The following PPP1R13L variants were observed in gnomAD, a reference collection of about 807,000 sequenced individuals.
PPP1R13L encodes protein phosphatase 1 regulatory subunit 13 like, also known as relA-associated inhibitor.
Under a neutral mutation model 80.9 loss-of-function variants are expected in PPP1R13L, and 50 were observed. That is an observed-to-expected ratio of 0.62 (90% CI 0.49 to 0.78). The LOEUF is 0.78. Ranked by LOEUF, PPP1R13L falls within the 30% of genes least tolerant of loss-of-function variation. The pLI, the probability that PPP1R13L is intolerant of heterozygous loss-of-function variation, is 0.00. For synonymous variants in PPP1R13L, 602 were observed against 534.3 expected (o/e 1.13, Z -1.75); for missense variants, 1,200 against 1,205.9 (o/e 1.00, Z 0.07).
rs565469083 is a variant in PPP1R13L at position 45,396,055 on chromosome 19, C to A, written c.903+113G>T. 6.7e-5 allele frequency: 89 copies of A among 1,337,214 alleles called. No individual in the cohort carries two copies. The highest frequency in any genetic ancestry group is 8.7e-5 in the Admixed American group (4 of 46,156). 82.8% of individuals were successfully genotyped at this position (1,337,214 alleles called of 1,614,324 possible). A position where few individuals can be genotyped will look rare whatever the true frequency, so the allele number is the denominator to read the frequency against. On this transcript the variant is annotated intron_variant, in intron 6 of 12. Transcript: ENST00000360957. The surrounding 1 kb of genome is among the most constrained non-coding windows in gnomAD (Gnocchi z 5.3). The stretch of plus-strand genomic sequence containing the variant: ...GCACAGTGAAGGGAGAGCGTGGGAA[C>A]GGGCGCCGAGACCCAGATCGCAGCC...
intron 12 of PPP1R13L, among the ~76,000 whole-genome samples, 184 bp downstream of exon 12, chr19:45,382,343 C>G (rs994405740): frequency 1.3e-5 from 2 of 152,214 alleles, no homozygotes; most frequent in Admixed American, 1.3e-4. Context: ...ACCCTTACCC[C>G]CGACATTACT....
At position 45,385,954 on chromosome 19, in the gene PPP1R13L, T is replaced by C; in HGVS notation, c.1951A>G (p.Asn651Asp). 1 of 1,610,484 alleles carries C rather than the reference T, an allele frequency of 6.2e-7. No homozygotes were observed. The highest frequency in any genetic ancestry group is 8.5e-7 in the Non-Finnish European group (1 of 1,178,890). ...TCCTCGTTGGGCTGGCTCGGGTCGT[T>C]CATCTGAGTGCACCGGGGGAGGGGG... ...EVVQQAVKEMNDPSQPNEEGI... is the reference protein window; with the variant it reads ...EVVQQAVKEMDDPSQPNEEGI... Residue 651 changes from asparagine to aspartate, a missense_variant, in exon 10 of 13, where the codon AAC becomes GAC. Physicochemically the swap from Asn to Asp is conservative, Grantham distance 23. Transcript: ENST00000360957.
At position 45,405,051 on chromosome 19, in the gene PPP1R13L, T is replaced by C. The variant is rs146829216; in HGVS notation, c.-74A>G. 5.2e-4 allele frequency: 517 copies of C among 985,846 alleles called. 2 individuals are homozygous for C. In the African/African-American group the frequency reaches 8.5e-3, roughly 16 times the overall value. The allele number at this position is 985,846 out of a possible 1,614,324, so 61.1% of individuals were successfully genotyped here. On this transcript the variant is annotated 5_prime_UTR_variant, in exon 1 of 13. Transcript: ENST00000360957. ...GGCTTCCTCCAGCTCGGGCTCCGGC[T>C]TGGGGAGCGGAGAACGGGGCGGGGC...
intron 11 of PPP1R13L, 29 bp from the exon 12 acceptor site, chr19:45,382,755 G>A: frequency 6.2e-7 from 1 of 1,612,112 alleles, no homozygotes; most frequent in South Asian, 1.1e-5. Flanking sequence ...GGGAAGGTGA[G>A]AGCCTGGCCC....
chr19:45,396,732 G>A lies in PPP1R13L; in HGVS notation c.525C>T (p.Phe175=), dbSNP rs1460008954. Residue 175 remains phenylalanine, a synonymous_variant, in exon 4 of 13, where the codon TTC becomes TTT. Transcript: ENST00000360957. This position sits in a 1 kb window ranked among gnomAD's most constrained non-coding sequence, Gnocchi z 5.3. ...GGGAGCCTGCGCGGCCCAGGAAGTC[G>A]AAAGGCGTGGGGGGACCCTGCTGGC... ...PLRQQGPPTP[F]DFLGRAGSPR... The A allele has an allele frequency of 7.2e-7, 1 of 1,385,394 alleles. No homozygotes were observed. Among genetic ancestry groups the A allele is most frequent in the East Asian group, 2.8e-5 (1 of 35,296 alleles). The allele number at this position is 1,385,394 out of a possible 1,614,324, so 85.8% of individuals were successfully genotyped here.
chr19:45,400,797 G>T, intron 1 of PPP1R13L, among the ~76,000 whole-genome samples: 1 of 31,622 alleles, frequency 3.2e-5, no homozygotes, highest in Admixed American at 4.5e-4. Context: ...TTTTTTTTGA[G>T]ACGGAGTCTT....
rs369516804 is a variant in PPP1R13L, at chr19:45,397,929, T to C, written c.198+76A>G. ...CCTGCATAACTATATGGGGCAATTT[T>C]GCCTGAAATCCAGGCCTCTGGTCTG... On this transcript the variant is annotated intron_variant, in intron 3 of 12. Transcript: ENST00000360957. 183 of 1,517,976 alleles carry C rather than the reference T, an allele frequency of 1.2e-4. 1 individual carries two copies. In the East Asian group the frequency reaches 3.4e-3, roughly 28 times the overall value. The allele number at this position is 1,517,976 out of a possible 1,614,324, so 94.0% of individuals were successfully genotyped here.
At chr19:45,394,486 T>G (rs971702419) in intron 7 of PPP1R13L, among the ~76,000 whole-genome samples, 3 of 151,604 alleles carry the variant, frequency 2.0e-5, no homozygotes, top group African/African-American at 7.3e-5. Context: ...CAGATCCTAT[T>G]TATTTATTTA....
At chr19:45,403,251 TATA>T (rs1296776394) in intron 1 of PPP1R13L, among the ~76,000 whole-genome samples, 1 of 152,184 alleles carries the variant, frequency 6.6e-6, no homozygotes, top group Non-Finnish European at 1.5e-5. Flanking sequence ...GGCTGTTCAT[TATA>T]ATAACACAGG....
chr19:45,400,405 A>G (rs1444858375), intron 1 of PPP1R13L, among the ~76,000 whole-genome samples: 2 of 151,548 alleles, frequency 1.3e-5, no homozygotes, highest in East Asian at 3.9e-4. Context: ...TGCATCGACC[A>G]CTTAGCTCTG....
intron 1 of PPP1R13L, 88 bp downstream of exon 1, chr19:45,404,911 C>G: frequency 1.2e-6 from 1 of 832,190 alleles, no homozygotes; most frequent in Non-Finnish European, 1.4e-6. Flanking sequence ...GCCCTGGGAC[C>G]TGGCGTCCGA....
At position 45,386,145 on chromosome 19, in the gene PPP1R13L, C is replaced by T; in HGVS notation, c.1851G>A (p.Pro617=). ...MRSVLRKAGS[P]RKARRARLNP... ...TGAGGCGCGCGCGGCGGGCCTTGCG[C>T]GGGGAGCCCGCCTTCCGCAGCACAG... Residue 617 remains proline (P), a synonymous_variant, in exon 9 of 13, where the codon CCG becomes CCA. Transcript: ENST00000360957. 5 of 1,539,822 alleles carry T rather than the reference C, an allele frequency of 3.2e-6. No individual in the cohort carries two copies. Among genetic ancestry groups the T allele is most frequent in the East Asian group, 2.3e-5 (1 of 43,602 alleles).
At chr19:45,386,940 G>A (rs1264044103) in intron 8 of PPP1R13L, among the ~76,000 whole-genome samples, 1 of 150,978 alleles carries the variant, frequency 6.6e-6, no homozygotes, top group Admixed American at 6.6e-5. Flanking sequence ...CCAGCCTCAT[G>A]GGCTTTCTTA....
At chr19:45,390,648 G>A (rs1972953069) in intron 8 of PPP1R13L, among the ~76,000 whole-genome samples, 1 of 152,140 alleles carries the variant, frequency 6.6e-6, no homozygotes, top group Non-Finnish European at 1.5e-5. Flanking sequence ...GATGCTCCCG[G>A]CCGAATAAAA....
At chr19:45,404,626 G>T (rs1973294003) in intron 1 of PPP1R13L, among the ~76,000 whole-genome samples, 1 of 152,128 alleles carries the variant, frequency 6.6e-6, no homozygotes, top group African/African-American at 2.4e-5. Flanking sequence ...TGGCAGGGTG[G>T]TCACCCATTC....
intron 8 of PPP1R13L, among the ~76,000 whole-genome samples, chr19:45,390,334 G>T (rs1462065275): frequency 2.6e-5 from 4 of 152,026 alleles, no homozygotes; most frequent in Admixed American, 2.6e-4. Context: ...CAAAACGCTG[G>T]AAAAAAACAG....
At chr19:45,400,203 C>G (rs184600371) in intron 1 of PPP1R13L, among the ~76,000 whole-genome samples, 1 of 151,946 alleles carries the variant, frequency 6.6e-6, no homozygotes, top group African/African-American at 2.4e-5. Flanking sequence ...TCCCTAGGGT[C>G]CCCATTCAGT....
At chr19:45,380,299 G>T in intron 12 of PPP1R13L, 71 bp from the exon 13 acceptor site, 1 of 1,568,846 alleles carries the variant, frequency 6.4e-7, no homozygotes, top group Non-Finnish European at 8.8e-7. Flanking sequence ...TCCGCTGCCT[G>T]TCTCTATCCT....
rs759612310 is a variant in PPP1R13L at position 45,396,908 on chromosome 19, G to A, written c.349C>T (p.Arg117Trp). Residue 117 changes from arginine (R) to tryptophan (W), a missense_variant, in exon 4 of 13, where the codon CGG (arginine) becomes TGG (tryptophan). Arg to Trp is a moderately radical substitution (Grantham distance 101). This residue lies in a region of PPP1R13L where 764 missense variants were observed against 714.5 expected (regional missense o/e 1.07). Coordinates refer to ENST00000360957, the MANE Select transcript of PPP1R13L (RefSeq NM_006663.4). This position sits in a 1 kb window ranked among gnomAD's most constrained non-coding sequence, Gnocchi z 5.3. ...AGCGGGGTGCGCGGCGACGACGGCC[G>A]TCCCTTGGGGGACAGCGGGCTGTAG... ...HPYSPLSPKG[R>W]PSSPRTPLYL... 1.3e-6 allele frequency: 2 copies of A among 1,505,850 alleles called. No homozygotes were observed. The highest frequency in any genetic ancestry group is 2.3e-5 in the Admixed American group (1 of 44,378). The allele number at this position is 1,505,850 out of a possible 1,614,324, so 93.3% of individuals were successfully genotyped here. A position where few individuals can be genotyped will look rare whatever the true frequency, so the allele number is the denominator to read the frequency against.
Sources: gnomAD v4.1 joint callset for allele counts (sites outside exome capture counted in the v4.1 genomes callset) on GRCh38, gnomAD v4.1.1 for gene constraint, gnomAD v4.1.1 regional missense constraint, Gnocchi (gnomAD v3.1) non-coding constraint, MANE v1.5 for transcripts, NCBI Gene and HGNC (gene_info 2026-07-23, HGNC 2026-07-21) for gene names.